Variants in TBC1D10A observed in about 807,000 individuals in gnomAD.
TBC1D10A encodes TBC1 domain family member 10A, also known as EBP50-PDX interactor of 64 kDa.
A neutral mutation model predicts 52.9 loss-of-function variants in TBC1D10A; 24 were observed. The observed-to-expected ratio is 0.45, with a 90% CI of 0.33 to 0.64. The LOEUF is 0.64. Ranked by LOEUF, TBC1D10A falls within the 30% of genes least tolerant of loss-of-function variation. The pLI is 0.02. For synonymous variants in TBC1D10A, 278 were observed against 282.9 expected (o/e 0.98, Z 0.17); for missense variants, 602 against 687.9 (o/e 0.88, Z 1.40).
intron 3 of TBC1D10A, 43 bp downstream of exon 3, chr22:30,299,401 A>C: frequency 3.8e-6 from 6 of 1,591,732 alleles, no homozygotes; most frequent in Non-Finnish European, 4.3e-6. Flanking sequence ...GAGGACGCCA[A>C]GAGATGCGGA....
intron 5 of TBC1D10A, 38 bp from the exon 6 acceptor site, chr22:30,294,899 G>A (rs781126556): frequency 3.7e-6 from 6 of 1,614,052 alleles, no homozygotes; most frequent in Non-Finnish European, 5.1e-6. Flanking sequence ...GCCGTTGGGG[G>A]TTCCCCACCC....
chr22:30,314,235 T>C (rs1204095419), intron 1 of TBC1D10A, among the ~76,000 whole-genome samples: 1 of 152,208 alleles, frequency 6.6e-6, no homozygotes, highest in Non-Finnish European at 1.5e-5. Context: ...TGCTGTCCAG[T>C]AGGCTGGGTA....
intron 1 of TBC1D10A, among the ~76,000 whole-genome samples, chr22:30,320,891 C>T (rs943019142): frequency 6.6e-6 from 1 of 152,242 alleles, no homozygotes. Flanking sequence ...CAAGATCACA[C>T]AGCCAGCCAG....
rs565185429 is a variant in TBC1D10A at position 30,326,851 on chromosome 22, G to C, written c.31C>G (p.Arg11Gly). The C allele has an allele frequency of 2.1e-5, 31 of 1,483,386 alleles. No homozygotes were observed. The South Asian group carries it at 3.9e-4, about 19-fold the overall frequency. The allele number at this position is 1,483,386 out of a possible 1,614,324, so 91.9% of individuals were successfully genotyped here. ...AGGCTTTCCCCGGCCGCGGGCGCGC[G>C]CGGCCCATTCTCTCCGTTGCTCTTC... MAKSNGENGP[R>G]APAAGESLSG... Residue 11 changes from arginine to glycine, a missense_variant, in exon 1 of 9, where the codon CGC (arginine) becomes GGC (glycine). Physicochemically the swap from Arg to Gly is moderately radical, Grantham distance 125. Around this residue, in one of 3 missense-constraint regions of TBC1D10A, gnomAD observed 201 missense variants for 204.4 expected, o/e 0.98. Transcript: ENST00000215790.
chr22:30,304,617 G>T lies in TBC1D10A; in HGVS notation c.223C>A (p.Pro75Thr), dbSNP rs973997336. The part of the protein sequence containing the change: ...QGAEGALEEV[P>T]LEVLRQRESK... ...TCCCTCTGCCTCAGCACCTCCAGGG[G>T]TACTTCCTCCAGCCTGTGGAGCAGA... Residue 75 changes from proline (P) to threonine (T), a missense_variant, in exon 2 of 9, where the codon CCC (proline) becomes ACC (threonine). Around this residue, in one of 3 missense-constraint regions of TBC1D10A, gnomAD observed 201 missense variants for 204.4 expected, o/e 0.98. Transcript: ENST00000215790. 1 of 1,613,986 alleles carries T rather than the reference G, an allele frequency of 6.2e-7. No homozygotes were observed. Among genetic ancestry groups the T allele is most frequent in the Non-Finnish European group, 8.5e-7 (1 of 1,179,940 alleles).
intron 1 of TBC1D10A, among the ~76,000 whole-genome samples, chr22:30,314,897 C>G (rs1930502954): frequency 6.6e-6 from 1 of 152,058 alleles, no homozygotes; most frequent in African/African-American, 2.4e-5. Context: ...TAAGCAAACT[C>G]AGACTCCTTC....
chr22:30,306,252 C>T (rs988435437), intron 1 of TBC1D10A, among the ~76,000 whole-genome samples: 4 of 152,188 alleles, frequency 2.6e-5, no homozygotes, highest in African/African-American at 9.7e-5. Context: ...CCCCACTGCA[C>T]AGATGAAGAA....
Position 30,292,352 on chromosome 22 carries a change from C to T in TBC1D10A, c.*23G>A, listed in dbSNP as rs751495042. 2 of 1,520,064 alleles carry T rather than the reference C, an allele frequency of 1.3e-6. No individual in the cohort carries two copies. Among genetic ancestry groups the T allele is most frequent in the Admixed American group, 2.2e-5 (1 of 46,412 alleles). 94.2% of individuals were successfully genotyped at this position (1,520,064 alleles called of 1,614,324 possible). A position where few individuals can be genotyped will look rare whatever the true frequency, so the allele number is the denominator to read the frequency against. On this transcript the variant is annotated 3_prime_UTR_variant, in exon 9 of 9. Coordinates refer to ENST00000215790, the MANE Select transcript of TBC1D10A (RefSeq NM_031937.3). ...CCGTGTAGTTATATGGAGACCCCGCCCTGGAGGCCTTAGCTGCCAGGGTTA... is the reference window on the plus strand; with the variant it reads ...CCGTGTAGTTATATGGAGACCCCGCTCTGGAGGCCTTAGCTGCCAGGGTTA...
At chr22:30,315,344 C>T (rs1930513601) in intron 1 of TBC1D10A, among the ~76,000 whole-genome samples, 1 of 152,208 alleles carries the variant, frequency 6.6e-6, no homozygotes, top group South Asian at 2.1e-4. Context: ...TTGTGACAGA[C>T]ACTGTGCTGG....
chr22:30,315,099 G>C (rs999860048), intron 1 of TBC1D10A, among the ~76,000 whole-genome samples: 2 of 152,146 alleles, frequency 1.3e-5, no homozygotes, highest in Non-Finnish European at 1.5e-5. Flanking sequence ...CTCATGGGGG[G>C]ATTCCCAACC....
chr22:30,313,582 T>A (rs1479403761), intron 1 of TBC1D10A, among the ~76,000 whole-genome samples: 4 of 70,076 alleles, frequency 5.7e-5, no homozygotes, highest in African/African-American at 1.3e-4. Flanking sequence ...TTTTTTTTTT[T>A]AGCAGAGACG....
rs547905778 is a variant in TBC1D10A at position 30,326,911 on chromosome 22, C to T, written c.-30G>A. 1.4e-6 allele frequency: 2 copies of T among 1,444,240 alleles called. No homozygotes were observed. The highest frequency in any genetic ancestry group is 3.0e-5 in the East Asian group (1 of 32,974). The allele number at this position is 1,444,240 out of a possible 1,614,324, so 89.5% of individuals were successfully genotyped here. ...GCCGCGCCCGCCGCCTGAGCTCCAG[C>T]GGCCACCTCAGCCGCCCTGCTGCCG... On this transcript the variant is annotated 5_prime_UTR_variant, in exon 1 of 9. Coordinates refer to ENST00000215790, the MANE Select transcript of TBC1D10A (RefSeq NM_031937.3).
intron 2 of TBC1D10A, 31 bp from the exon 3 acceptor site, chr22:30,299,582 C>T: frequency 6.2e-7 from 1 of 1,607,136 alleles, no homozygotes; most frequent in African/African-American, 1.3e-5. Flanking sequence ...TGAGCCCATG[C>T]AGCCACCCAG....
Position 30,309,248 on chromosome 22 carries a change from T to C in TBC1D10A, c.210-4618A>G, listed in dbSNP as rs150619140. On this transcript the variant is annotated intron_variant, in intron 1 of 8. Coordinates refer to ENST00000215790, the MANE Select transcript of TBC1D10A (RefSeq NM_031937.3). ...AAGCCTGGGTAATCTGCCATTTTTT[T>C]TTTTTTGAGACGGAGTCTTGCTCTG... Among the ~76,000 whole-genome samples the C allele has an allele frequency of 1.7e-4, 26 of 152,052 alleles. No individual in the cohort carries two copies. In the East Asian group the frequency reaches 5.0e-3, roughly 29 times the overall value.
chr22:30,319,321 A>T (rs1930604032), intron 1 of TBC1D10A, among the ~76,000 whole-genome samples: 1 of 152,216 alleles, frequency 6.6e-6, no homozygotes, highest in Non-Finnish European at 1.5e-5. Flanking sequence ...TCTATTTTTC[A>T]GCAAGTCTGT....
chr22:30,294,410 G>A (rs12169094), intron 6 of TBC1D10A, among the ~76,000 whole-genome samples: 20,706 of 152,182 alleles, frequency 0.14, 1,934 homozygotes, highest in South Asian at 0.35. Context: ...GGAGGGTCTC[G>A]CCTGTCAGGG....
chr22:30,294,220 G>C (rs192646212), intron 6 of TBC1D10A, 110 bp from the exon 7 acceptor site: 7 of 1,242,822 alleles, frequency 5.6e-6, no homozygotes, highest in Non-Finnish European at 7.8e-6. Context: ...GGCAGCTACC[G>C]CCTGCAGGGT....
At chr22:30,301,508 T>TG (rs1930201633) in intron 2 of TBC1D10A, among the ~76,000 whole-genome samples, 1 of 152,176 alleles carries the variant, frequency 6.6e-6, no homozygotes, top group East Asian at 1.9e-4. Flanking sequence ...GTGCTTAGTG[T>TG]GGGGCCTGAC....
chr22:30,304,432 A>G (rs2145771901), intron 2 of TBC1D10A, 99 bp downstream of exon 2: 1 of 1,562,000 alleles, frequency 6.4e-7, no homozygotes, highest in South Asian at 1.2e-5. Flanking sequence ...TGGCAGTTAT[A>G]GAAGCCTCTG....
Sources: allele counts gnomAD v4.1 joint callset (sites outside exome capture counted in the v4.1 genomes callset), GRCh38; gene constraint gnomAD v4.1.1; regional missense constraint gnomAD v4.1.1; transcripts MANE v1.5; gene names NCBI Gene and HGNC (gene_info 2026-07-23, HGNC 2026-07-21).